GBP6: variants seen among roughly 807,000 people sequenced by gnomAD.
GBP6 encodes the protein guanylate-binding protein 6.
In GBP6, 54 loss-of-function variants were observed where a neutral mutation model predicts 61.5. The ratio of observed to expected loss-of-function variants is 0.88; its 90% CI spans 0.71 to 1.10. GBP6 has a LOEUF of 1.10. GBP6 is among the 50% of genes least tolerant of loss of function. GBP6 has a pLI of 0.00. For missense variants in GBP6, 748 were observed against 752.8 expected, an observed-to-expected ratio of 0.99 and a Z score of 0.07; for synonymous variants, 255 against 273.7, an observed-to-expected ratio of 0.93 and a Z score of 0.67.
intron 1 of GBP6, among the ~76,000 whole-genome samples, chr1:89,367,491 T>C (rs1557535954): frequency 6.6e-6 from 1 of 152,202 alleles, no homozygotes; most frequent in Non-Finnish European, 1.5e-5. Context: ...GTCTACTCTA[T>C]CCATTTTTGA....
intron 1 of GBP6, among the ~76,000 whole-genome samples, chr1:89,366,358 G>A (rs1652467470): frequency 6.6e-6 from 1 of 152,078 alleles, no homozygotes; most frequent in East Asian, 1.9e-4. Flanking sequence ...TTTAGATTCT[G>A]GACATTCTCC....
At chr1:89,381,650 G>A (rs766425065) in intron 6 of GBP6, 44 bp from the exon 7 acceptor site, 2 of 1,558,896 alleles carry the variant, frequency 1.3e-6, no homozygotes, top group Non-Finnish European at 1.7e-6. Flanking sequence ...ATCCCACTGA[G>A]CTTTAATTTC....
In GBP6 at chr1:89,386,484, T is replaced by G. The variant is rs972886996; in HGVS notation, c.*1015T>G. On this transcript the variant is annotated 3_prime_UTR_variant, in exon 11 of 11. Transcript: ENST00000370456. ...TCAGATGATGAAATTCCTTGTTGCT[T>G]CTAGGAATTACATCAGCCAGCCCAA... The G allele has an allele frequency of 7.2e-5, 11 of 152,226 alleles. No homozygotes were observed. The highest frequency in any genetic ancestry group is 2.7e-4 in the African/African-American group (11 of 41,458). 9.4% of individuals were successfully genotyped at this position (152,226 alleles called of 1,614,324 possible).
At position 89,371,028 on chromosome 1, in the gene GBP6, A is replaced by C. The variant is rs115435060; in HGVS notation, c.318+1355A>C. Among the ~76,000 whole-genome samples, 1,288 of 152,012 alleles carry C rather than the reference A, an allele frequency of 8.5e-3. 16 individuals are homozygous for C. The highest frequency in any genetic ancestry group is 0.03 in the African/African-American group (1,225 of 41,434). ...CCCAGCCCCTGGCAACCACTATTAT[A>C]CTCTGCTGCTATGAGTTTAACTATT... On this transcript the variant is annotated intron_variant, in intron 3 of 10. Coordinates refer to ENST00000370456, the MANE Select transcript of GBP6 (RefSeq NM_198460.3).
At chr1:89,380,249 G>A in intron 5 of GBP6, 137 bp from the exon 6 acceptor site, 1 of 679,210 alleles carries the variant, frequency 1.5e-6, no homozygotes, top group Admixed American at 2.8e-5. Flanking sequence ...GTGCACAGAA[G>A]TATTTAATTT....
chr1:89,371,127 G>T (rs1652623216), intron 3 of GBP6, among the ~76,000 whole-genome samples: 1 of 152,090 alleles, frequency 6.6e-6, no homozygotes, highest in Non-Finnish European at 1.5e-5. Flanking sequence ...ATTTCACTTA[G>T]CATAACGACC....
chr1:89,383,902 T>C (rs1653058768), intron 9 of GBP6, 148 bp downstream of exon 9: 2 of 822,974 alleles, frequency 2.4e-6, no homozygotes, highest in South Asian at 1.8e-5. Context: ...AGGGGAGCTA[T>C]GATTGTACAT....
At chr1:89,380,262 A>G (rs1299244125) in intron 5 of GBP6, 124 bp from the exon 6 acceptor site, 1 of 741,574 alleles carries the variant, frequency 1.3e-6, no homozygotes, top group African/African-American at 1.8e-5. Flanking sequence ...TTTAATTTTT[A>G]TGTTAAAGGA....
chr1:89,383,049 A>G (rs949448716), intron 8 of GBP6, among the ~76,000 whole-genome samples, 173 bp downstream of exon 8: 1 of 152,212 alleles, frequency 6.6e-6, no homozygotes, highest in African/African-American at 2.4e-5. Flanking sequence ...CAAAGAGTAT[A>G]GTATTCAGAA....
In GBP6 at chr1:89,378,616, A is replaced by T; in HGVS notation, c.625+3A>T. 6.2e-7 allele frequency: 1 copy of T among 1,610,012 alleles called. No individual in the cohort carries two copies. Among genetic ancestry groups the T allele is most frequent in the East Asian group, 2.2e-5 (1 of 44,782 alleles). On this transcript the variant is annotated splice_donor_region_variant and intron_variant, in intron 5 of 10. Coordinates refer to ENST00000370456, the MANE Select transcript of GBP6 (RefSeq NM_198460.3). ...GAATGCCTTGAAGCTGATTCAAGGT[A>T]TCAGAATGTGGCCTGGGCTGTGGGT...
intron 6 of GBP6, among the ~76,000 whole-genome samples, chr1:89,381,081 T>G (rs1570469878): frequency 6.6e-6 from 1 of 151,926 alleles, no homozygotes; most frequent in Admixed American, 6.6e-5. Context: ...GCTCAGGAGT[T>G]TGAGACCAGC....
At position 89,386,288 on chromosome 1, in the gene GBP6, G is replaced by A. The variant is rs1653143491; in HGVS notation, c.*819G>A. 1.3e-5 allele frequency: 2 copies of A among 152,082 alleles called. No homozygotes were observed. Among genetic ancestry groups the A allele is most frequent in the African/African-American group, 4.8e-5 (2 of 41,406 alleles). 9.4% of individuals were successfully genotyped at this position (152,082 alleles called of 1,614,324 possible). ...GATTAATCAAAATCTATTATTATTG[G>A]CTCCTTCTGGGAAGAACCAAGTGAA... On this transcript the variant is annotated 3_prime_UTR_variant, in exon 11 of 11. Coordinates refer to ENST00000370456, the MANE Select transcript of GBP6 (RefSeq NM_198460.3).
chr1:89,383,390 C>G (rs1361923007), intron 8 of GBP6, among the ~76,000 whole-genome samples: 1 of 152,088 alleles, frequency 6.6e-6, no homozygotes, highest in Non-Finnish European at 1.5e-5. Context: ...GTTTGTACAC[C>G]TGTGCACATA....
chr1:89,376,254 A>T (rs1652806201), intron 3 of GBP6, among the ~76,000 whole-genome samples: 1 of 152,242 alleles, frequency 6.6e-6, no homozygotes, highest in African/African-American at 2.4e-5. Flanking sequence ...GTACAGCAAT[A>T]AATATAAAAG....
At chr1:89,379,903 A>C (rs550842458) in intron 5 of GBP6, among the ~76,000 whole-genome samples, 1 of 152,322 alleles carries the variant, frequency 6.6e-6, no homozygotes, top group African/African-American at 2.4e-5. Context: ...TTTGGAAGGA[A>C]GAGGTGAAAG....
At position 89,382,028 on chromosome 1, in the gene GBP6, C is replaced by T. The variant is rs1460982245; in HGVS notation, c.1152+54C>T. 5.3e-6 allele frequency: 8 copies of T among 1,506,286 alleles called. No homozygotes were observed. The Admixed American group carries it at 1.0e-4, about 19-fold the overall frequency. The allele number at this position is 1,506,286 out of a possible 1,614,324, so 93.3% of individuals were successfully genotyped here. On this transcript the variant is annotated intron_variant, in intron 7 of 10. Coordinates refer to ENST00000370456, the MANE Select transcript of GBP6 (RefSeq NM_198460.3). ...CATCCTTCCCCTTGAAGAATGAAGC[C>T]TATAGTTGCCTTTATTGTCACCAAT...
chr1:89,364,459 G>A (rs1027738189), intron 1 of GBP6, among the ~76,000 whole-genome samples: 1 of 152,240 alleles, frequency 6.6e-6, no homozygotes, highest in Non-Finnish European at 1.5e-5. Context: ...GGAGCTTCCA[G>A]GCAATTATAC....
Position 89,368,693 on chromosome 1 carries a change from C to T in GBP6, c.142C>T (p.Arg48Cys), listed in dbSNP as rs150615430. ...VVVVAIVGLY[R>C]TGKSYLMNHL... ...GGTGGTGGCCATTGTAGGACTGTAC[C>T]GTACAGGGAAATCCTACTTGATGAA... Residue 48 changes from arginine (R) to cysteine (C), a missense_variant, in exon 2 of 11, where the codon CGT (arginine) becomes TGT (cysteine). Transcript: ENST00000370456. The T allele has an allele frequency of 3.3e-4, 527 of 1,613,900 alleles. No individual in the cohort carries two copies. The highest frequency in any genetic ancestry group is 5.7e-4 in the Admixed American group (34 of 60,012).
Position 89,380,575 on chromosome 1 carries a change from T to C in GBP6, c.815T>C (p.Ile272Thr), listed in dbSNP as rs756699084. ...QEQTNIFCSY[I>T]FTHARTKTLR... ...CAAACAAACATTTTCTGTTCTTACATCTTCACTCATGCAAGAACCAAGACC... is the reference window on the plus strand; with the variant it reads ...CAAACAAACATTTTCTGTTCTTACACCTTCACTCATGCAAGAACCAAGACC... The change falls in exon 6 of 11, where the codon ATC becomes ACC. Residue 272 changes from isoleucine to threonine, a missense_variant. Coordinates refer to ENST00000370456, the MANE Select transcript of GBP6 (RefSeq NM_198460.3). The C allele has an allele frequency of 6.2e-7, 1 of 1,614,086 alleles. No individual in the cohort carries two copies. The highest frequency in any genetic ancestry group is 8.5e-7 in the Non-Finnish European group (1 of 1,179,946).
Sources: gnomAD v4.1 joint callset for allele counts (sites outside exome capture counted in the v4.1 genomes callset) on GRCh38, gnomAD v4.1.1 for gene constraint, MANE v1.5 for transcripts, NCBI Gene and HGNC (gene_info 2026-07-23, HGNC 2026-07-21) for gene names.